Variants in PCDH15 observed in about 807,000 individuals in gnomAD.
PCDH15 encodes protocadherin related 15.
A neutral mutation model predicts 178.5 loss-of-function variants in PCDH15; 129 were observed. The observed-to-expected ratio is 0.72, with a 90% CI of 0.63 to 0.84. The LOEUF (loss-of-function observed/expected upper bound fraction) is 0.84. PCDH15 is among the 40% of genes least tolerant of loss of function. PCDH15 has a pLI of 0.00. For synonymous variants in PCDH15, 800 were observed against 732.0 expected (o/e 1.09, Z -1.50); for missense variants, 2,230 against 2,099.9 (o/e 1.06, Z -1.21).
intron 3 of PCDH15, among the ~76,000 whole-genome samples, chr10:54,897,133 C>A (rs1033477949): frequency 6.6e-6 from 1 of 152,140 alleles, no homozygotes; most frequent in African/African-American, 2.4e-5. Flanking sequence ...ATGACAGTTG[C>A]CACATAATAC....
At chr10:54,537,144 G>A (rs940695099) in intron 2 of PCDH15, among the ~76,000 whole-genome samples, 1 of 151,594 alleles carries the variant, frequency 6.6e-6, no homozygotes, top group African/African-American at 2.4e-5. Context: ...GACTACAGGC[G>A]CCCGCTACCA....
At chr10:54,733,246 A>G (rs11004518) in intron 1 of PCDH15, among the ~76,000 whole-genome samples, 18,387 of 151,520 alleles carry the variant, frequency 0.12, 1,237 homozygotes, top group African/African-American at 0.17. Context: ...CTCAAAAATG[A>G]AAAGAAAATA....
At chr10:54,751,119 C>T (rs1411825340) in intron 1 of PCDH15, among the ~76,000 whole-genome samples, 1 of 152,016 alleles carries the variant, frequency 6.6e-6, no homozygotes, top group African/African-American at 2.4e-5. Flanking sequence ...AGTATTAATA[C>T]TATATTACAA....
intron 3 of PCDH15, among the ~76,000 whole-genome samples, chr10:54,449,378 C>T (rs1050543607): frequency 5.3e-5 from 8 of 151,762 alleles, no homozygotes; most frequent in Non-Finnish European, 7.4e-5. Flanking sequence ...ACAACACACA[C>T]ACTGAGAGAA....
At position 55,599,276 on chromosome 10, in the gene PCDH15, A is replaced by T. The variant is rs1003129708; in HGVS notation, c.-156+28349T>A. The T allele has an allele frequency of 5.3e-5, 8 of 152,326 alleles. No individual in the cohort carries two copies. The South Asian group carries it at 1.5e-3, about 28-fold the overall frequency. 9.4% of individuals were successfully genotyped at this position (152,326 alleles called of 1,614,324 possible). A position where few individuals can be genotyped will look rare whatever the true frequency, so the allele number is the denominator to read the frequency against. On this transcript the variant is annotated intron_variant, in intron 2 of 5. Coordinates refer to the PCDH15 transcript ENST00000613346. Reference sequence around the variant, plus strand: ...ATTAGTAGCAGTGACAAGCCTACGGAGGCTGGTGATAGCTGATTGTCCAAG... The same window carrying T: ...ATTAGTAGCAGTGACAAGCCTACGGTGGCTGGTGATAGCTGATTGTCCAAG...
chr10:55,266,650 C>T (rs149236685), intron 1 of PCDH15, among the ~76,000 whole-genome samples: 2 of 152,280 alleles, frequency 1.3e-5, no homozygotes, highest in African/African-American at 4.8e-5. Context: ...GAGAGGAACA[C>T]ATCAGAGGAA....
At chr10:54,085,335 C>A (rs1463858060) in intron 16 of PCDH15, among the ~76,000 whole-genome samples, 2 of 151,884 alleles carry the variant, frequency 1.3e-5, no homozygotes, top group Admixed American at 6.6e-5. Flanking sequence ...TTTTGAAATT[C>A]TCTTATTTAG....
intron 2 of PCDH15, among the ~76,000 whole-genome samples, chr10:55,158,831 T>A (rs1398919529): frequency 6.6e-6 from 1 of 151,392 alleles, no homozygotes; most frequent in East Asian, 1.9e-4. Flanking sequence ...GAGCTTTATG[T>A]GGAAATGTGT....
intron 1 of PCDH15, among the ~76,000 whole-genome samples, chr10:54,794,485 A>AT (rs1415364569): frequency 6.6e-6 from 1 of 151,764 alleles, no homozygotes; most frequent in African/African-American, 2.4e-5. Flanking sequence ...GTTTGCTGTC[A>AT]TTTTTTTGAA....
intron 13 of PCDH15, among the ~76,000 whole-genome samples, chr10:54,170,610 C>T (rs1054082225): frequency 9.2e-5 from 14 of 151,504 alleles, no homozygotes; most frequent in African/African-American, 2.4e-4. Context: ...GACTTCAATC[C>T]GGCCTCCCAC....
At chr10:54,766,117 A>C (rs1948482659) in intron 1 of PCDH15, among the ~76,000 whole-genome samples, 2 of 152,172 alleles carry the variant, frequency 1.3e-5, no homozygotes, top group Admixed American at 6.5e-5. Flanking sequence ...ATCTGGAATA[A>C]GAAAAAAATA....
intron 25 of PCDH15, among the ~76,000 whole-genome samples, chr10:53,926,931 C>T (rs2133939816): frequency 6.6e-6 from 1 of 152,156 alleles, no homozygotes; most frequent in South Asian, 2.1e-4. Context: ...TACGTATCCC[C>T]TTACAGCACT....
chr10:54,855,452 C>A (rs532106207), intron 3 of PCDH15, among the ~76,000 whole-genome samples: 10 of 152,260 alleles, frequency 6.6e-5, no homozygotes, highest in Admixed American at 2.0e-4. Context: ...CCACTGTCAT[C>A]ATTTAGAGTA....
intron 2 of PCDH15, among the ~76,000 whole-genome samples, chr10:55,460,416 G>A (rs4415662): frequency 0.77 from 116,244 of 151,826 alleles, 45,856 homozygotes; most frequent in East Asian, 1. Context: ...AACCTCCTTC[G>A]AGAATTATTT....
At chr10:55,599,811 C>T in intron 2 of PCDH15, 1 of 672,124 alleles carries the variant, frequency 1.5e-6, no homozygotes, top group Non-Finnish European at 2.3e-6. Context: ...GAGGCACTGC[C>T]TGCTCAGTGA....
chr10:54,969,251 G>T (rs572720509), intron 2 of PCDH15, among the ~76,000 whole-genome samples: 1 of 152,206 alleles, frequency 6.6e-6, no homozygotes, highest in Admixed American at 6.5e-5. Flanking sequence ...ACATTACTTG[G>T]AAGCAGTGTG....
At chr10:54,583,361 A>G (rs1350258851) in intron 2 of PCDH15, among the ~76,000 whole-genome samples, 5 of 151,890 alleles carry the variant, frequency 3.3e-5, no homozygotes, top group African/African-American at 1.2e-4. Flanking sequence ...GATAATTGTT[A>G]TTTTCCTCCA....
chr10:54,509,295 C>T (rs917658634), intron 3 of PCDH15, among the ~76,000 whole-genome samples: 3 of 151,970 alleles, frequency 2.0e-5, no homozygotes, highest in Middle Eastern at 3.2e-3. Context: ...ATACTGTTCT[C>T]GTGGTAGTGA....
chr10:55,609,357 T>G (rs4336940), intron 2 of PCDH15, among the ~76,000 whole-genome samples: 1 of 151,940 alleles, frequency 6.6e-6, no homozygotes. Context: ...CCTTCAAACC[T>G]TGGTCTTTAT....
Sources: allele counts gnomAD v4.1 joint callset (sites outside exome capture counted in the v4.1 genomes callset), GRCh38; gene constraint gnomAD v4.1.1; transcripts MANE v1.5; gene names NCBI Gene and HGNC (gene_info 2026-07-23, HGNC 2026-07-21).